The following SLC25A41 variants were observed in gnomAD, a reference collection of about 807,000 sequenced individuals.
SLC25A41 encodes the protein solute carrier family 25 member 41, also known as mitochondrial carrier protein SCaMC-3L.
A neutral mutation model predicts 34.7 loss-of-function variants in SLC25A41; 35 were observed. The observed-to-expected ratio is 1.01, with a 90% CI of 0.77 to 1.34. The LOEUF (loss-of-function observed/expected upper bound fraction) is 1.34. SLC25A41 is among the 40% of genes most tolerant of loss of function. SLC25A41 has a pLI of 0.00. For synonymous variants in SLC25A41, 190 were observed against 209.9 expected (o/e 0.91, Z 0.82); for missense variants, 492 against 489.8 (o/e 1.00, Z -0.04).
rs762190258 is a variant in SLC25A41 at position 6,427,124 on chromosome 19, G to T, written c.919C>A (p.Arg307Ser). The part of the protein sequence containing the change: ...QMASYPLTLV[R>S]TRMQAQDTVE... ...TGACCTTGGGCCTGCATCCTGGTGC[G>T]CACCAGAGTCAGTGGGTAGCTGGCC... Residue 307 changes from arginine to serine, a missense_variant, in exon 6 of 7, where the codon CGC (arginine) becomes AGC (serine). By Grantham distance (110) the Arg-to-Ser change is moderately radical (BLOSUM62 -1). Coordinates refer to ENST00000321510, the MANE Select transcript of SLC25A41 (RefSeq NM_173637.4). The surrounding 1 kb of genome is among the most constrained non-coding windows in gnomAD (Gnocchi z 4.9). 1.9e-6 allele frequency: 3 copies of T among 1,606,014 alleles called. No homozygotes were observed. The highest frequency in any genetic ancestry group is 2.5e-6 in the Non-Finnish European group (3 of 1,176,894).
At position 6,430,510 on chromosome 19, in the gene SLC25A41, C is replaced by T. The variant is rs1339991436; in HGVS notation, c.364-349G>A. Reference sequence around the variant, plus strand: ...CTTCCTTCTTTTTTTTTTTTTTTGACGGAGTCTCACTCTGTCGCCCAGGCT... The same window carrying T: ...CTTCCTTCTTTTTTTTTTTTTTTGATGGAGTCTCACTCTGTCGCCCAGGCT... On this transcript the variant is annotated intron_variant, in intron 2 of 6. Coordinates refer to ENST00000321510, the MANE Select transcript of SLC25A41 (RefSeq NM_173637.4). The T allele has an allele frequency of 1.8e-4, 70 of 384,744 alleles. No homozygotes were observed. In the East Asian group the frequency reaches 3.9e-3, roughly 21 times the overall value. 23.8% of individuals were successfully genotyped at this position (384,744 alleles called of 1,614,324 possible).
At position 6,426,558 on chromosome 19, in the gene SLC25A41, G is replaced by A; in HGVS notation, c.944C>T (p.Thr315Ile). 1.2e-6 allele frequency: 2 copies of A among 1,612,444 alleles called. No individual in the cohort carries two copies. Among genetic ancestry groups the A allele is most frequent in the Non-Finnish European group, 1.7e-6 (2 of 1,179,512 alleles). Residue 315 changes from threonine (T) to isoleucine (I), a missense_variant, in exon 7 of 7, where the codon ACC becomes ATC. Thr to Ile is a moderately conservative substitution (Grantham distance 89). Coordinates refer to ENST00000321510, the MANE Select transcript of SLC25A41 (RefSeq NM_173637.4). ...LVRTRMQAQD[T>I]VEGSNPTMRG... ...CATGGTGGGATTTGAGCCCTCCACG[G>A]TATCTGCAGGGACACAGGCAAGATC...
intron 4 of SLC25A41, 72 bp downstream of exon 4, chr19:6,429,652 G>A (rs1264855659): frequency 3.6e-6 from 4 of 1,104,012 alleles, no homozygotes; most frequent in African/African-American, 1.6e-5. Context: ...GGAGGAAGAG[G>A]AAGTAGCCCC....
At chr19:6,429,439 GA>G (rs2092272171) in intron 4 of SLC25A41, among the ~76,000 whole-genome samples, 2 of 84,238 alleles carry the variant, frequency 2.4e-5, no homozygotes, top group East Asian at 4.4e-4. Context: ...AAGGAGGAGG[GA>G]AGGAGGAGGA....
chr19:6,429,845 G>A lies in SLC25A41; in HGVS notation c.517-14C>T. The A allele has an allele frequency of 1.2e-6, 2 of 1,609,694 alleles. No individual in the cohort carries two copies. Among genetic ancestry groups the A allele is most frequent in the Non-Finnish European group, 1.7e-6 (2 of 1,177,372 alleles). On this transcript the variant is annotated splice_polypyrimidine_tract_variant and intron_variant, in intron 3 of 6. Coordinates refer to ENST00000321510, the MANE Select transcript of SLC25A41 (RefSeq NM_173637.4). The stretch of plus-strand genomic sequence containing the variant: ...GTAATTCTTGCACTGGGAGAGGAGA[G>A]AGGAGGGTGAGAGAGAAGTCAGCCA...
intron 6 of SLC25A41, 25 bp from the exon 7 acceptor site, chr19:6,426,586 G>C: frequency 6.2e-7 from 1 of 1,605,872 alleles, no homozygotes; most frequent in Non-Finnish European, 8.5e-7. Context: ...GCAAGATCAG[G>C]ACTAGGCCAG....
rs75384914 is a variant in SLC25A41 at position 6,426,385 on chromosome 19, C to T, written c.*4G>A. 5,388 of 1,612,178 alleles carry T rather than the reference C, an allele frequency of 3.3e-3. 163 individuals are homozygous for T. In the African/African-American group the frequency reaches 0.065, roughly 19 times the overall value. ...TGCCTAGGCTGTGTCGTCCAGCTCA[C>T]AGCCTATATGCCCAGGGTTTTCTTC... On this transcript the variant is annotated 3_prime_UTR_variant, in exon 7 of 7. Transcript: ENST00000321510.
In SLC25A41 at chr19:6,427,406, G is replaced by A; in HGVS notation, c.720C>T (p.Ala240=). The A allele has an allele frequency of 6.2e-7, 1 of 1,611,082 alleles. No individual in the cohort carries two copies. Among genetic ancestry groups the A allele is most frequent in the South Asian group, 1.1e-5 (1 of 90,728 alleles). ...RQILQREGTR[A]LYRGYLPNML... ...TATTGGGCAGGTAGCCGCGGTAAAGGGCGCGGGTGCCCTCTCGCTGCAAGA... is the reference window on the plus strand; with the variant it reads ...TATTGGGCAGGTAGCCGCGGTAAAGAGCGCGGGTGCCCTCTCGCTGCAAGA... The change falls in exon 5 of 7, where the codon GCC becomes GCT. Residue 240 remains alanine, a synonymous_variant. Transcript: ENST00000321510. The surrounding 1 kb of genome is among the most constrained non-coding windows in gnomAD (Gnocchi z 4.9).
upstream of SLC25A41, among the ~76,000 whole-genome samples, chr19:6,435,173 G>T (rs1418216798): frequency 1.4e-5 from 2 of 147,274 alleles, no homozygotes; most frequent in Admixed American, 6.8e-5. Context: ...GCAGTGAGCT[G>T]AGATCTTGCC....
At chr19:6,429,177 T>TATATATATTATATATATAACATATATATA (rs2092268116) in intron 4 of SLC25A41, among the ~76,000 whole-genome samples, 3 of 58,804 alleles carry the variant, frequency 5.1e-5, no homozygotes, top group African/African-American at 2.3e-4. Flanking sequence ...ATATATATAA[T>TATATATATTATATATATAACATATATATA]ATATATATGT....
upstream of SLC25A41, chr19:6,433,882 G>A (rs2092296762): frequency 2.1e-6 from 1 of 485,486 alleles, no homozygotes; most frequent in Non-Finnish European, 3.6e-6. Context: ...TCCACCTCCT[G>A]ATCCCCCAAA....
At chr19:6,436,014 A>G (rs113815568), upstream of SLC25A41, 3,007 of 165,108 alleles carry the variant, frequency 0.018, 40 homozygotes, top group South Asian at 0.037. Flanking sequence ...GACAGAGTGA[A>G]ACCCTGTTTC....
Position 6,432,099 on chromosome 19 carries a change from C to A in SLC25A41, c.313G>T (p.Val105Leu). Reference protein sequence around the residue: ...FLLSGAMAGAVSRTGTAPLDR... With the variant: ...FLLSGAMAGALSRTGTAPLDR... ...AGAGGTGCCGTGCCCGTGCGAGACA[C>A]CGCCCCGGCCATAGCTCCTGAGAGT... Residue 105 changes from valine to leucine, a missense_variant, in exon 2 of 7, where the codon GTG becomes TTG. By Grantham distance (32) the Val-to-Leu change is conservative (BLOSUM62 1). Transcript: ENST00000321510. 1 of 1,613,962 alleles carries A rather than the reference C, an allele frequency of 6.2e-7. No homozygotes were observed. The highest frequency in any genetic ancestry group is 8.5e-7 in the Non-Finnish European group (1 of 1,179,870).
At position 6,426,285 on chromosome 19, in the gene SLC25A41, T is replaced by C; in HGVS notation, c.*104A>G. 6.8e-6 allele frequency: 2 copies of C among 292,558 alleles called. No homozygotes were observed. The highest frequency in any genetic ancestry group is 6.0e-5 in the South Asian group (1 of 16,666). 18.1% of individuals were successfully genotyped at this position (292,558 alleles called of 1,614,324 possible). ...CCAGCCTGCTTTTGCCACCAAAAAC[T>C]GCCCCAGGGCCTGAACCTTGAGGCC... On this transcript the variant is annotated 3_prime_UTR_variant, in exon 7 of 7. Transcript: ENST00000321510.
rs750738346 is a variant in SLC25A41, at chr19:6,427,547, C to G, written c.625-46G>C. On this transcript the variant is annotated intron_variant, in intron 4 of 6. Coordinates refer to ENST00000321510, the MANE Select transcript of SLC25A41 (RefSeq NM_173637.4). The surrounding 1 kb of genome is among the most constrained non-coding windows in gnomAD (Gnocchi z 4.9). ...GGCAGCTCATTTGATTGAATCCTGT[C>G]AATGACCCTCGGGGTAGCCATTGTC... 6.9e-7 allele frequency: 1 copy of G among 1,453,840 alleles called. No individual in the cohort carries two copies. The highest frequency in any genetic ancestry group is 9.1e-7 in the Non-Finnish European group (1 of 1,095,226). 90.1% of individuals were successfully genotyped at this position (1,453,840 alleles called of 1,614,324 possible). A position where few individuals can be genotyped will look rare whatever the true frequency, so the allele number is the denominator to read the frequency against.
At chr19:6,433,926 T>G (rs2092297010), upstream of SLC25A41, 1 of 445,020 alleles carries the variant, frequency 2.2e-6, no homozygotes, top group Non-Finnish European at 3.9e-6. Context: ...AATTGAATTG[T>G]GTCCTGTCAA....
In SLC25A41 at chr19:6,427,179, A is replaced by T; in HGVS notation, c.864T>A (p.Ser288=). 2 of 1,612,308 alleles carry T rather than the reference A, an allele frequency of 1.2e-6. No individual in the cohort carries two copies. Among genetic ancestry groups the T allele is most frequent in the Non-Finnish European group, 1.7e-6 (2 of 1,179,652 alleles). The change falls in exon 6 of 7, where the codon TCT becomes TCA. Residue 288 remains serine (S), a synonymous_variant. Transcript: ENST00000321510. This position sits in a 1 kb window ranked among gnomAD's most constrained non-coding sequence, Gnocchi z 4.9. ...GGCCACAGGTCGTGGATAGCGTCAC[A>T]GACGACAGACTGACCAGGCCACTGG... ...GDPSGLVSLS[S]VTLSTTCGQM...
rs1329526956 is a variant in SLC25A41, at chr19:6,426,184, ACCCAG to A, written c.*200_*204del. ...GGGAGGGAGTCCCAGGAGTTTTCTG[ACCCAG>A]CACTGCCCCCCTCCACCCACCACCA... On this transcript the variant is annotated 3_prime_UTR_variant, in exon 7 of 7. Transcript: ENST00000321510. 1.8e-6 allele frequency: 1 copy of A among 563,170 alleles called. No homozygotes were observed. The highest frequency in any genetic ancestry group is 3.1e-6 in the Non-Finnish European group (1 of 320,924). 34.9% of individuals were successfully genotyped at this position (563,170 alleles called of 1,614,324 possible).
intron 2 of SLC25A41, chr19:6,430,586 C>T (rs2092281712): frequency 1.1e-5 from 4 of 358,848 alleles, no homozygotes; most frequent in South Asian, 2.0e-5. Context: ...CTCCCAGGTT[C>T]AGGCGATTCT....
Sources: allele counts gnomAD v4.1 joint callset (sites outside exome capture counted in the v4.1 genomes callset), GRCh38; gene constraint gnomAD v4.1.1; non-coding constraint Gnocchi (gnomAD v3.1); transcripts MANE v1.5; gene names NCBI Gene and HGNC (gene_info 2026-07-23, HGNC 2026-07-21).